IL9R: variants seen among roughly 807,000 people sequenced by gnomAD.
The protein encoded by IL9R is interleukin 9 receptor.
Under a neutral mutation model 56.3 loss-of-function variants are expected in IL9R, and 54 were observed. The observed-to-expected ratio is 0.96, with a 90% CI of 0.77 to 1.20. The LOEUF (loss-of-function observed/expected upper bound fraction) is 1.20. Ranked by LOEUF, IL9R falls within the 50% of genes most tolerant of loss-of-function variation. The pLI, the probability that IL9R is intolerant of heterozygous loss-of-function variation, is 0.00. For missense variants in IL9R, 545 were observed against 629.8 expected (o/e 0.87, Z 1.44); for synonymous variants, 212 against 250.2 (o/e 0.85, Z 1.44).
chrX:156,005,510 G>A, intron 6 of IL9R, 31 bp downstream of exon 6: 4 of 1,589,766 alleles, frequency 2.5e-6, no homozygotes, highest in Non-Finnish European at 2.6e-6. Flanking sequence ...TGCACTTCCA[G>A]CGGAGTCTGG....
In IL9R at chrX:156,002,919, G is replaced by T; in HGVS notation, c.42G>T (p.Glu14Asp). 1 of 1,613,896 alleles carries T rather than the reference G, an allele frequency of 6.2e-7. No homozygotes were observed. The highest frequency in any genetic ancestry group is 1.1e-5 in the South Asian group (1 of 91,060). The change falls in exon 2 of 9, where the codon GAG becomes GAT. Residue 14 changes from glutamate to aspartate, a missense_variant. Around this residue, in one of 2 missense-constraint regions of IL9R, gnomAD observed 431 missense variants for 360.0 expected, o/e 1.20. Coordinates refer to ENST00000244174, the MANE Select transcript of IL9R (RefSeq NM_002186.3). Reference sequence around the variant, plus strand: ...AGTCCCTTGCAGGCTGGACCTTGGAGAGTGAGGCCCTGAGGCGAGACATGG... The same window carrying T: ...AGTCCCTTGCAGGCTGGACCTTGGATAGTGAGGCCCTGAGGCGAGACATGG... ...GRCIWEGWTL[E>D]SEALRRDMGT...
At chrX:156,003,402 C>T (rs375022331) in intron 2 of IL9R, 47 bp from the exon 3 acceptor site, 2 of 1,361,390 alleles carry the variant, frequency 1.5e-6, no homozygotes, top group Non-Finnish European at 2.1e-6. Context: ...GAGCTCAGCT[C>T]TGGCCTGAAG....
intron 1 of IL9R, among the ~76,000 whole-genome samples, chrX:156,002,289 G>A (rs1312766210): frequency 2.0e-5 from 3 of 152,146 alleles, no homozygotes; most frequent in African/African-American, 4.8e-5. Context: ...GGCGGAGGTT[G>A]CAGTGAGCCA....
chrX:156,007,548 G>A lies in IL9R; in HGVS notation c.913G>A (p.Val305Met), dbSNP rs201085879. ...PRVKRIFYQNVPSPAMFFQPL... is the reference protein window; with the variant it reads ...PRVKRIFYQNMPSPAMFFQPL... ...GGTGAAGAGAATCTTCTACCAGAAC[G>A]TGCCCTCTCCAGCGATGTTCTTCCA... The change falls in exon 8 of 9, where the codon GTG becomes ATG. Residue 305 changes from valine to methionine, a missense_variant. By Grantham distance (21) the Val-to-Met change is conservative. Around this residue, in one of 2 missense-constraint regions of IL9R, gnomAD observed 114 missense variants for 269.8 expected, o/e 0.42. Transcript: ENST00000244174. The A allele has an allele frequency of 1.6e-5, 21 of 1,330,324 alleles. No homozygotes were observed. The highest frequency in any genetic ancestry group is 8.7e-5 in the South Asian group (7 of 80,582). The allele number at this position is 1,330,324 out of a possible 1,614,324, so 82.4% of individuals were successfully genotyped here.
chrX:156,002,967 C>A lies in IL9R; in HGVS notation c.90C>A (p.Ile30=). ...RDMGTWLLAC[I]CICTCVCLGV... ...TGGGCACCTGGCTCCTGGCCTGCAT[C>A]TGCATCTGCACCTGTGTCTGCTTGG... is the stretch of plus-strand genomic sequence containing the variant. The change falls in exon 2 of 9, where the codon ATC becomes ATA. Residue 30 remains isoleucine, a synonymous_variant. Coordinates refer to ENST00000244174, the MANE Select transcript of IL9R (RefSeq NM_002186.3). The A allele has an allele frequency of 6.2e-7, 1 of 1,613,882 alleles. No individual in the cohort carries two copies. The highest frequency in any genetic ancestry group is 8.5e-7 in the Non-Finnish European group (1 of 1,179,854).
chrX:156,007,533 A>G lies in IL9R; in HGVS notation c.898A>G (p.Ile300Val), dbSNP rs1397775067. 9 of 1,287,808 alleles carry G rather than the reference A, an allele frequency of 7.0e-6. No individual in the cohort carries two copies. The highest frequency in any genetic ancestry group is 5.4e-5 in the African/African-American group (3 of 55,386). The allele number at this position is 1,287,808 out of a possible 1,614,324, so 79.8% of individuals were successfully genotyped here. A position where few individuals can be genotyped will look rare whatever the true frequency, so the allele number is the denominator to read the frequency against. The stretch of plus-strand genomic sequence containing the variant: ...CTCTCTTGGCCTCAGGGTGAAGAGA[A>G]TCTTCTACCAGAACGTGCCCTCTCC... ...LFKLSPRVKR[I>V]FYQNVPSPAM... Residue 300 changes from isoleucine (I) to valine (V), a missense_variant, in exon 8 of 9, where the codon ATC becomes GTC. Ile to Val is a conservative substitution (Grantham distance 29, BLOSUM62 3). Transcript: ENST00000244174.
chrX:156,002,769 G>C (rs764185814), intron 1 of IL9R, 137 bp from the exon 2 acceptor site: 1 of 1,249,540 alleles, frequency 8.0e-7, no homozygotes, highest in East Asian at 2.3e-5. Context: ...GCTGGACACT[G>C]TGTGAGTGTT....
In IL9R at chrX:156,003,753, G is replaced by T; in HGVS notation, c.331G>T (p.Val111Leu). ...CACCGTCGTGCTGCCACCTGAGGCA[G>T]TGCTCGTGCCATCTGACAATTTCAC... ...ECTVVLPPEAVLVPSDNFTIT... is the reference protein window; with the variant it reads ...ECTVVLPPEALLVPSDNFTIT... Residue 111 changes from valine to leucine, a missense_variant, in exon 4 of 9, where the codon GTG becomes TTG. By Grantham distance (32) the Val-to-Leu change is conservative. Around this residue, in one of 2 missense-constraint regions of IL9R, gnomAD observed 431 missense variants for 360.0 expected, o/e 1.20. Coordinates refer to ENST00000244174, the MANE Select transcript of IL9R (RefSeq NM_002186.3). 7 of 1,614,016 alleles carry T rather than the reference G, an allele frequency of 4.3e-6. No individual in the cohort carries two copies. Among genetic ancestry groups the T allele is most frequent in the Non-Finnish European group, 5.9e-6 (7 of 1,179,862 alleles).
rs2067687221 is a variant in IL9R at position 156,003,577 on chromosome X, A to G, written c.254+17A>G. The stretch of plus-strand genomic sequence containing the variant: ...CTTCACCAGGTGAGCATGGAGGGCC[A>G]TGCCCACCTGGACAGGGATGAGGGT... On this transcript the variant is annotated intron_variant, in intron 3 of 8. Coordinates refer to ENST00000244174, the MANE Select transcript of IL9R (RefSeq NM_002186.3). 1 of 1,607,336 alleles carries G rather than the reference A, an allele frequency of 6.2e-7. No individual in the cohort carries two copies. The highest frequency in any genetic ancestry group is 1.3e-5 in the African/African-American group (1 of 74,778).
rs780646946 is a variant in IL9R, at chrX:156,001,447, T to C, written c.29-1459T>C. 6.8e-6 allele frequency: 11 copies of C among 1,611,358 alleles called. No homozygotes were observed. In the South Asian group the frequency reaches 1.2e-4, roughly 18 times the overall value. On this transcript the variant is annotated intron_variant, in intron 1 of 8. Transcript: ENST00000244174. The stretch of plus-strand genomic sequence containing the variant: ...ACGGACAGACACTGCTGCAGAGAAC[T>C]TGCCACGGTGTTTCATGCTGTGGCT...
intron 1 of IL9R, chrX:156,001,656 TC>T: frequency 1.7e-6 from 1 of 583,742 alleles, no homozygotes; most frequent in Non-Finnish European, 3.0e-6. Context: ...TGTGTGCGTG[TC>T]TGGTTTTTTC....
intron 3 of IL9R, 46 bp downstream of exon 3, chrX:156,003,606 T>C (rs1302163647): frequency 1.2e-6 from 2 of 1,609,448 alleles, no homozygotes; most frequent in Non-Finnish European, 1.7e-6. Context: ...TGAGGGTGAG[T>C]TCCCCAGGAT....
rs181300527 is a variant in IL9R at position 156,004,990 on chromosome X, C to G, written c.580-288C>G. Among the ~76,000 whole-genome samples the G allele has an allele frequency of 5.7e-3, 871 of 152,060 alleles. 10 individuals carry two copies. The highest frequency in any genetic ancestry group is 0.02 in the African/African-American group (822 of 41,470). The stretch of plus-strand genomic sequence containing the variant: ...GTGGTGAGTTGCTTCTGTGCACACA[C>G]TTTTGTTTATGAGTGTGCATGCAAG... On this transcript the variant is annotated intron_variant, in intron 5 of 8. Coordinates refer to ENST00000244174, the MANE Select transcript of IL9R (RefSeq NM_002186.3).
intron 8 of IL9R, among the ~76,000 whole-genome samples, chrX:156,009,061 TTGTGTGTGTGTCTGTGTGTGTTTG>T (rs2068229701): frequency 7.4e-5 from 9 of 121,808 alleles, no homozygotes; most frequent in Admixed American, 1.6e-4. Flanking sequence ...CTGTGTGTGT[TTGTGTGTGTGTCTGTGTGTGTTTG>T]TGTGTGTGTG....
chrX:156,009,051 CTGTG>C (rs1245402314), intron 8 of IL9R, among the ~76,000 whole-genome samples: 3 of 99,402 alleles, frequency 3.0e-5, no homozygotes, highest in African/African-American at 4.4e-5. Flanking sequence ...GTGTTTGTGT[CTGTG>C]TGTGTTTGTG....
Position 156,004,415 on chromosome X carries a change from T to C in IL9R, c.434-5T>C. The C allele has an allele frequency of 6.2e-7, 1 of 1,613,838 alleles. No homozygotes were observed. The highest frequency in any genetic ancestry group is 8.5e-7 in the Non-Finnish European group (1 of 1,179,814). On this transcript the variant is annotated splice_polypyrimidine_tract_variant and splice_region_variant and intron_variant, in intron 4 of 8. Transcript: ENST00000244174. ...TCAGCCTCACATGGATTCACTCTGT[T>C]CCAGTTAAGCTGGACCCGCCCTCTG...
chrX:156,004,078 G>T (rs2067738794), intron 4 of IL9R: 4 of 609,972 alleles, frequency 6.6e-6, no homozygotes, highest in Middle Eastern at 4.4e-4. Context: ...ATGCACGGCT[G>T]CTAGTTGGGG....
intron 5 of IL9R, 135 bp from the exon 6 acceptor site, chrX:156,005,140 TGTG>T (rs2067831979): frequency 8.6e-6 from 6 of 701,206 alleles, no homozygotes; most frequent in South Asian, 6.8e-5. Context: ...TGCACGTGAA[TGTG>T]GTGAGTGTGT....
intron 1 of IL9R, among the ~76,000 whole-genome samples, chrX:156,002,179 T>TA (rs2067576480): frequency 7.4e-6 from 1 of 134,564 alleles, no homozygotes; most frequent in Admixed American, 7.2e-5. Flanking sequence ...CCGTCTCTAC[T>TA]AAAAATACAA....
Sources: gnomAD v4.1 joint callset for allele counts (sites outside exome capture counted in the v4.1 genomes callset) on GRCh38, gnomAD v4.1.1 for gene constraint, gnomAD v4.1.1 regional missense constraint, MANE v1.5 for transcripts, NCBI Gene and HGNC (gene_info 2026-07-23, HGNC 2026-07-21) for gene names.